Variants in THRB observed in about 807,000 individuals in gnomAD.
THRB encodes the protein nuclear receptor subfamily 1 group A member 2.
In THRB, 12 loss-of-function variants were observed where a neutral mutation model predicts 47.8. The observed-to-expected ratio is 0.25, with a 90% CI of 0.16 to 0.41. THRB has a LOEUF of 0.41. Ranked by LOEUF, THRB falls within the 10% of genes least tolerant of loss-of-function variation. The pLI, the probability that THRB is intolerant of heterozygous loss-of-function variation, is 1.00. For synonymous variants in THRB, 218 were observed against 212.2 expected (o/e 1.03, Z -0.24); for missense variants, 348 against 589.2 (o/e 0.59, Z 4.24).
In THRB at chr3:24,297,358, G is replaced by A. The variant is rs1240323644; in HGVS notation, c.-175C>T. 1 of 152,186 alleles carries A rather than the reference G, an allele frequency of 6.6e-6. No individual in the cohort carries two copies. The highest frequency in any genetic ancestry group is 1.5e-5 in the Non-Finnish European group (1 of 68,046). The allele number at this position is 152,186 out of a possible 1,614,324, so 9.4% of individuals were successfully genotyped here. ...GATGAAATATAAAATGCTGGAGTTT[G>A]CCTCTCTGGCGAGCTGCAGAAAGGA... On this transcript the variant is annotated 5_prime_UTR_variant, in exon 3 of 11. Transcript: ENST00000646209.
intron 1 of THRB, among the ~76,000 whole-genome samples, chr3:24,412,762 G>A (rs903525467): frequency 1.3e-5 from 2 of 151,328 alleles, no homozygotes; most frequent in Non-Finnish European, 3.0e-5. Flanking sequence ...AAACATTTAC[G>A]GCACAAATTT....
intron 9 of THRB, among the ~76,000 whole-genome samples, chr3:24,131,972 C>A (rs2033927211): frequency 6.6e-6 from 1 of 152,176 alleles, no homozygotes; most frequent in South Asian, 2.1e-4. Flanking sequence ...TATCTGTTTC[C>A]CGAAGCCCAC....
At chr3:24,269,178 A>G (rs1408273496) in intron 3 of THRB, among the ~76,000 whole-genome samples, 2 of 152,180 alleles carry the variant, frequency 1.3e-5, no homozygotes, top group African/African-American at 4.8e-5. Flanking sequence ...TCACAGAAAC[A>G]TAATACAAAT....
chr3:24,216,782 C>T (rs1041763032), intron 4 of THRB, among the ~76,000 whole-genome samples: 18 of 152,052 alleles, frequency 1.2e-4, no homozygotes, highest in East Asian at 7.7e-4. Flanking sequence ...AAAGAATTTA[C>T]GAATGTTCTG....
At chr3:24,463,921 GAC>G (rs749273023) in intron 1 of THRB, among the ~76,000 whole-genome samples, 25 of 152,126 alleles carry the variant, frequency 1.6e-4, no homozygotes, top group Non-Finnish European at 2.4e-4. Context: ...AAGAGTTATC[GAC>G]ACTTTGAAAA....
chr3:24,143,758 C>T (rs768093440), intron 7 of THRB, 52 bp from the exon 8 acceptor site: 21 of 1,586,392 alleles, frequency 1.3e-5, no homozygotes, highest in Non-Finnish European at 1.7e-5. Context: ...CCAAGATACA[C>T]AGCAAGCTGC....
intron 4 of THRB, among the ~76,000 whole-genome samples, chr3:24,203,923 T>A (rs2044939796): frequency 6.6e-6 from 1 of 152,216 alleles, no homozygotes. Context: ...CACAGCAGTC[T>A]GAGATCAAAC....
chr3:24,152,990 GAAAGAAAGA>G (rs2037239260), intron 5 of THRB, among the ~76,000 whole-genome samples: 2 of 150,196 alleles, frequency 1.3e-5, no homozygotes, highest in African/African-American at 4.9e-5. Flanking sequence ...AAGAAAGAAA[GAAAGAAAGA>G]AAGAAAGATA....
At chr3:24,463,995 C>T (rs1162364811) in intron 1 of THRB, among the ~76,000 whole-genome samples, 1 of 152,074 alleles carries the variant, frequency 6.6e-6, no homozygotes, top group African/African-American at 2.4e-5. Context: ...GCCTGTAATC[C>T]CAGCACTTTG....
intron 4 of THRB, among the ~76,000 whole-genome samples, chr3:24,215,890 A>G (rs971332939): frequency 2.6e-5 from 4 of 152,314 alleles, no homozygotes; most frequent in Non-Finnish European, 5.9e-5. Flanking sequence ...TGGGGATGTA[A>G]GAAGGAAAGA....
chr3:24,417,230 A>G (rs188491664), intron 1 of THRB, among the ~76,000 whole-genome samples: 1 of 151,984 alleles, frequency 6.6e-6, no homozygotes, highest in Admixed American at 6.6e-5. Context: ...AATTCATTAA[A>G]TACATATAAT....
At chr3:24,159,639 A>G (rs148436520) in intron 5 of THRB, among the ~76,000 whole-genome samples, 1 of 152,242 alleles carries the variant, frequency 6.6e-6, no homozygotes, top group East Asian at 1.9e-4. Flanking sequence ...GTTCTTCACC[A>G]TTAATGCAGT....
At chr3:24,447,880 G>A (rs1423247243) in intron 1 of THRB, among the ~76,000 whole-genome samples, 2 of 151,520 alleles carry the variant, frequency 1.3e-5, no homozygotes, top group Non-Finnish European at 2.9e-5. Context: ...GAGAAAAGTA[G>A]TTGCCTCTTG....
intron 5 of THRB, among the ~76,000 whole-genome samples, chr3:24,182,220 A>C (rs1036090451): frequency 7.2e-6 from 1 of 138,676 alleles, no homozygotes; most frequent in Admixed American, 7.7e-5. Context: ...ACAAAACAAA[A>C]AAACAAACAA....
chr3:24,464,062 C>T (rs1056445131), intron 1 of THRB, among the ~76,000 whole-genome samples: 5 of 151,976 alleles, frequency 3.3e-5, no homozygotes, highest in East Asian at 1.9e-4. Flanking sequence ...CTGGCTAACA[C>T]GGTGAAACCC....
At chr3:24,428,043 G>A (rs556228668) in intron 1 of THRB, among the ~76,000 whole-genome samples, 1 of 152,086 alleles carries the variant, frequency 6.6e-6, no homozygotes, top group East Asian at 1.9e-4. Context: ...CATATTCCAT[G>A]TTTTCACCAC....
intron 7 of THRB, chr3:24,144,683 A>G (rs1260559786): frequency 3.3e-5 from 5 of 152,222 alleles, no homozygotes; most frequent in African/African-American, 4.8e-5. Context: ...TTTACATTGC[A>G]GAGTCATAGT....
At chr3:24,298,820 G>T (rs1486922268) in intron 2 of THRB, among the ~76,000 whole-genome samples, 1 of 152,030 alleles carries the variant, frequency 6.6e-6, no homozygotes, top group Non-Finnish European at 1.5e-5. Flanking sequence ...GCATGAAAAA[G>T]GGTCTCTAGA....
chr3:24,206,147 G>C (rs149533062), intron 4 of THRB, among the ~76,000 whole-genome samples: 1 of 151,936 alleles, frequency 6.6e-6, no homozygotes, highest in African/African-American at 2.4e-5. Context: ...TGCACCAAGC[G>C]GACCTAATAG....
Sources: allele counts gnomAD v4.1 joint callset (sites outside exome capture counted in the v4.1 genomes callset), GRCh38; gene constraint gnomAD v4.1.1; transcripts MANE v1.5; gene names NCBI Gene and HGNC (gene_info 2026-07-23, HGNC 2026-07-21).